Variants in SPTLC1 observed in about 807,000 individuals in gnomAD.
The protein encoded by SPTLC1 is serine palmitoyltransferase 1.
SPTLC1 carries 55 observed loss-of-function variants against 68.9 expected under a neutral mutation model. The ratio of observed to expected loss-of-function variants is 0.80; its 90% CI spans 0.64 to 1.00. The LOEUF is 1.00. Among genes scored for constraint, SPTLC1 ranks in the 50% least tolerant of loss-of-function variants. The pLI is 0.00. For missense variants in SPTLC1, 449 were observed against 573.1 expected (o/e 0.78, Z 2.21); for synonymous variants, 197 against 201.6 (o/e 0.98, Z 0.19).
intron 7 of SPTLC1, among the ~76,000 whole-genome samples, chr9:92,057,263 T>C (rs115525148): frequency 0.018 from 2,667 of 152,344 alleles, 68 homozygotes; most frequent in African/African-American, 0.06. Context: ...ATGTTGGATT[T>C]AGTTGTTTCC....
chr9:92,094,614 A>C (rs1587597624), intron 3 of SPTLC1, among the ~76,000 whole-genome samples: 1 of 152,316 alleles, frequency 6.6e-6, no homozygotes, highest in East Asian at 1.9e-4. Context: ...GTTAACTGTC[A>C]CCCATTCTCA....
chr9:92,063,875 A>T (rs12353321), intron 6 of SPTLC1, among the ~76,000 whole-genome samples: 13,303 of 152,224 alleles, frequency 0.087, 1,128 homozygotes, highest in African/African-American at 0.23. Context: ...AATAAAGAGC[A>T]TCTGTAAGAA....
chr9:92,115,196 C>T, intron 1 of SPTLC1, 118 bp downstream of exon 1: 2 of 998,364 alleles, frequency 2.0e-6, no homozygotes, highest in East Asian at 4.9e-5. Flanking sequence ...CAAGAGGCAC[C>T]GAGTCTGGGC....
intron 8 of SPTLC1, among the ~76,000 whole-genome samples, chr9:92,053,693 A>G (rs1347837836): frequency 4.6e-5 from 7 of 152,258 alleles, no homozygotes; most frequent in Non-Finnish European, 7.3e-5. Context: ...TGCCATTTAT[A>G]GGAAATAACC....
intron 7 of SPTLC1, among the ~76,000 whole-genome samples, chr9:92,055,792 C>T (rs1833867421): frequency 1.3e-5 from 2 of 152,184 alleles, no homozygotes; most frequent in African/African-American, 4.8e-5. Flanking sequence ...GGGAAGGGGC[C>T]TAAGGGACTT....
chr9:92,039,953 T>C (rs1833282039), intron 12 of SPTLC1, among the ~76,000 whole-genome samples: 1 of 152,254 alleles, frequency 6.6e-6, no homozygotes, highest in South Asian at 2.1e-4. Flanking sequence ...ATTAGTTCTT[T>C]ACTAATGTAG....
chr9:92,060,067 T>C (rs1368041378), intron 6 of SPTLC1, among the ~76,000 whole-genome samples: 2 of 151,610 alleles, frequency 1.3e-5, no homozygotes, highest in Admixed American at 6.6e-5. Context: ...GAGTGGAGAG[T>C]CAGGACTATT....
At chr9:92,046,124 A>T in intron 11 of SPTLC1, 71 bp from the exon 12 acceptor site, 9 of 1,264,266 alleles carry the variant, frequency 7.1e-6, no homozygotes, top group Non-Finnish European at 1.0e-5. Context: ...ATATTTTTGA[A>T]GACCCAGATC....
At chr9:92,065,729 C>T in intron 6 of SPTLC1, among the ~76,000 whole-genome samples, 1 of 152,120 alleles carries the variant, frequency 6.6e-6, no homozygotes. Context: ...AGTGATGAGT[C>T]TTTCACATTA....
At chr9:92,047,588 G>C in intron 10 of SPTLC1, 25 bp downstream of exon 10, 4 of 1,496,812 alleles carry the variant, frequency 2.7e-6, no homozygotes, top group Non-Finnish European at 3.7e-6. Context: ...TTCAGTTTTA[G>C]CTCCTGTTTT....
At chr9:92,056,515 C>T (rs1219605146) in intron 7 of SPTLC1, among the ~76,000 whole-genome samples, 1 of 152,098 alleles carries the variant, frequency 6.6e-6, no homozygotes, top group East Asian at 1.9e-4. Flanking sequence ...TTTGAGCCAC[C>T]ACGCCCGGCA....
chr9:92,034,910 C>T (rs1833093858), intron 13 of SPTLC1, 27 bp from the exon 14 acceptor site: 1 of 1,585,772 alleles, frequency 6.3e-7, no homozygotes, highest in Non-Finnish European at 8.7e-7. Context: ...AAGACATCTG[C>T]AACCTGGACT....
chr9:92,100,297 C>T lies in SPTLC1; in HGVS notation c.260+8443G>A, dbSNP rs748076930. Among the ~76,000 whole-genome samples, 80 of 152,112 alleles carry T rather than the reference C, an allele frequency of 5.3e-4. 1 individual carries two copies. The highest frequency in any genetic ancestry group is 8.3e-4 in the South Asian group (4 of 4,824). On this transcript the variant is annotated intron_variant, in intron 3 of 14. Coordinates refer to ENST00000262554, the MANE Select transcript of SPTLC1 (RefSeq NM_006415.4). The stretch of plus-strand genomic sequence containing the variant: ...CTTGATGCCCACAGGGCTATACTGC[C>T]CCAGAGAAGGAGCCCACATATAGCA...
Position 92,115,365 on chromosome 9 carries a change from C to A in SPTLC1, c.6G>T (p.Ala2=), listed in dbSNP as rs1836415562. ...CCAGAACCCACTGCTCCGTGGCGGT[C>A]GCCATAGTTAGCCGCTTCCTTCCGG... is the stretch of plus-strand genomic sequence containing the variant. M[A]TATEQWVLVE... is the part of the protein sequence containing the mutation. The change falls in exon 1 of 15, where the codon GCG becomes GCT. Residue 2 remains alanine (A), a synonymous_variant. Coordinates refer to ENST00000262554, the MANE Select transcript of SPTLC1 (RefSeq NM_006415.4). The A allele has an allele frequency of 1.2e-6, 2 of 1,613,014 alleles. No individual in the cohort carries two copies. The highest frequency in any genetic ancestry group is 8.5e-7 in the Non-Finnish European group (1 of 1,179,990).
At chr9:92,070,595 C>T (rs951270689) in intron 5 of SPTLC1, among the ~76,000 whole-genome samples, 3 of 152,112 alleles carry the variant, frequency 2.0e-5, no homozygotes, top group Non-Finnish European at 4.4e-5. Flanking sequence ...GGACAGGAGG[C>T]CTCACTATCT....
In SPTLC1 at chr9:92,112,521, G is replaced by C. The variant is rs1194272920; in HGVS notation, c.99C>G (p.Leu33=). The part of the protein sequence containing the change: ...YHLILEGILI[L]WIIRLLFSKT... ...TAGAGAAAAGAAGTCTGATTATCCAGAGGATCAGAATCCCTTCCAAAATAA... is the reference window on the plus strand; with the variant it reads ...TAGAGAAAAGAAGTCTGATTATCCACAGGATCAGAATCCCTTCCAAAATAA... The change falls in exon 2 of 15, where the codon CTC becomes CTG. Residue 33 remains leucine, a synonymous_variant. Transcript: ENST00000262554. 1 of 1,610,104 alleles carries C rather than the reference G, an allele frequency of 6.2e-7. No individual in the cohort carries two copies. The highest frequency in any genetic ancestry group is 1.3e-5 in the African/African-American group (1 of 74,884).
rs149962572 is a variant in SPTLC1 at position 92,106,157 on chromosome 9, G to A, written c.260+2583C>T. On this transcript the variant is annotated intron_variant, in intron 3 of 14. Transcript: ENST00000262554. ...TGGGAAGTGAGGAGCGTCTCTGCCCGCTGCTGTGCAACCTTCCAAGTGTGA... is the reference window on the plus strand; with the variant it reads ...TGGGAAGTGAGGAGCGTCTCTGCCCACTGCTGTGCAACCTTCCAAGTGTGA... Among the ~76,000 whole-genome samples, 330 of 152,294 alleles carry A rather than the reference G, an allele frequency of 2.2e-3. 1 individual carries two copies. The highest frequency in any genetic ancestry group is 7.4e-3 in the African/African-American group (306 of 41,558).
intron 5 of SPTLC1, among the ~76,000 whole-genome samples, chr9:92,071,306 A>G (rs1382242250): frequency 1.3e-5 from 2 of 151,952 alleles, no homozygotes; most frequent in Non-Finnish European, 2.9e-5. Context: ...AGGCTGAGGC[A>G]GGAGAATCGC....
chr9:92,048,302 T>G (rs1833589449), intron 9 of SPTLC1, among the ~76,000 whole-genome samples: 1 of 152,164 alleles, frequency 6.6e-6, no homozygotes, highest in African/African-American at 2.4e-5. Flanking sequence ...GTCCTCATCT[T>G]TGGGTCCAGC....
Sources: gnomAD v4.1 joint callset for allele counts (sites outside exome capture counted in the v4.1 genomes callset) on GRCh38, gnomAD v4.1.1 for gene constraint, MANE v1.5 for transcripts, NCBI Gene and HGNC (gene_info 2026-07-23, HGNC 2026-07-21) for gene names.